BRAF: variants seen among roughly 807,000 people sequenced by gnomAD.
The protein encoded by BRAF is serine/threonine-protein kinase B-raf.
Under a neutral mutation model 104.6 loss-of-function variants are expected in BRAF, and 16 were observed. The observed-to-expected ratio is 0.15, with a 90% confidence interval of 0.10 to 0.23. The LOEUF (loss-of-function observed/expected upper bound fraction) is 0.23, where lower values mean the gene tolerates loss of function less well. BRAF is among the 10% of genes least tolerant of loss of function. BRAF has a pLI of 1.00. For synonymous variants in BRAF, 310 were observed against 341.6 expected (o/e 0.91, Z 1.02); for missense variants, 541 against 937.3 (o/e 0.58, Z 5.52).
chr7:140,906,065 G>T (rs1169915048), intron 1 of BRAF, among the ~76,000 whole-genome samples: 1 of 115,672 alleles, frequency 8.6e-6, no homozygotes, highest in African/African-American at 3.9e-5. Flanking sequence ...TCCAGCCTGG[G>T]CAACAGAGCG....
chr7:140,904,913 T>C (rs1816127638), intron 1 of BRAF, among the ~76,000 whole-genome samples: 1 of 151,112 alleles, frequency 6.6e-6, no homozygotes, highest in Admixed American at 6.6e-5. Context: ...GACCAGATTA[T>C]TTCCAAGTAT....
rs1388346952 is a variant in BRAF, at chr7:140,921,835, A to G, written c.138+2731T>C. Among the ~76,000 whole-genome samples the G allele has an allele frequency of 2.6e-5, 4 of 151,968 alleles. No individual in the cohort carries two copies. The East Asian group carries it at 7.7e-4, about 29-fold the overall frequency. On this transcript the variant is annotated intron_variant, in intron 1 of 19. Transcript: ENST00000644969. The stretch of plus-strand genomic sequence containing the variant: ...AAAACCTACATTTTACTGTTAGGTA[A>G]AATAAATCTTCAGAATAAAATGTGT...
intron 1 of BRAF, among the ~76,000 whole-genome samples, chr7:140,858,321 A>T (rs1338997546): frequency 1.3e-5 from 2 of 152,228 alleles, no homozygotes; most frequent in African/African-American, 4.8e-5. Flanking sequence ...CTTCATACTT[A>T]ACTTCTGGTT....
intron 14 of BRAF, among the ~76,000 whole-genome samples, chr7:140,769,889 T>C (rs1341119807): frequency 3.4e-4 from 52 of 152,162 alleles, no homozygotes; most frequent in Non-Finnish European, 7.4e-5. Flanking sequence ...TTTTCACTAT[T>C]ATATTGTTTC....
At chr7:140,813,342 T>G (rs1344074237) in intron 3 of BRAF, among the ~76,000 whole-genome samples, 2 of 152,170 alleles carry the variant, frequency 1.3e-5, no homozygotes, top group Non-Finnish European at 2.9e-5. Context: ...GTGAAGTTAT[T>G]TTTCATTTAT....
chr7:140,924,757 G>A lies in BRAF; in HGVS notation c.-54C>T, dbSNP rs1417944701. 1.5e-5 allele frequency: 10 copies of A among 677,356 alleles called. No homozygotes were observed. Among genetic ancestry groups the A allele is most frequent in the Non-Finnish European group, 2.3e-5 (9 of 395,328 alleles). 42.0% of individuals were successfully genotyped at this position (677,356 alleles called of 1,614,324 possible). A position where few individuals can be genotyped will look rare whatever the true frequency, so the allele number is the denominator to read the frequency against. On this transcript the variant is annotated 5_prime_UTR_variant, in exon 1 of 20. Coordinates refer to ENST00000644969, the MANE Select transcript of BRAF (RefSeq NM_001374258.1). This position sits in a 1 kb window ranked among gnomAD's most constrained non-coding sequence, Gnocchi z 4.2. The stretch of plus-strand genomic sequence containing the variant: ...GCCGCTGTCGGGCGGGGAGGGGGAA[G>A]GGAGGCGGAGAGCTGGGGGAGGCGG...
chr7:140,765,382 G>A (rs1799203430), intron 14 of BRAF, among the ~76,000 whole-genome samples: 1 of 151,952 alleles, frequency 6.6e-6, no homozygotes, highest in African/African-American at 2.4e-5. Flanking sequence ...TCAGGACATA[G>A]GCATGGGCAA....
chr7:140,714,715 A>G (rs1283041857), downstream of BRAF, among the ~76,000 whole-genome samples: 1 of 152,160 alleles, frequency 6.6e-6, no homozygotes, highest in Non-Finnish European at 1.5e-5. Flanking sequence ...ATCTGGTACT[A>G]AAGAAGATAA....
chr7:140,849,730 T>C (rs1808950782), intron 2 of BRAF, among the ~76,000 whole-genome samples: 1 of 152,014 alleles, frequency 6.6e-6, no homozygotes, highest in South Asian at 2.1e-4. Flanking sequence ...GACAATCGTC[T>C]GAAGCTGGGA....
intron 16 of BRAF, among the ~76,000 whole-genome samples, chr7:140,752,366 C>T (rs1222005627): frequency 6.6e-6 from 1 of 152,136 alleles, no homozygotes; most frequent in Non-Finnish European, 1.5e-5. Flanking sequence ...TAACAGCAGC[C>T]AGCTGGATTC....
At chr7:140,746,202 T>C (rs1406664040) in intron 17 of BRAF, among the ~76,000 whole-genome samples, 1 of 152,222 alleles carries the variant, frequency 6.6e-6, no homozygotes, top group Non-Finnish European at 1.5e-5. Flanking sequence ...ATATATGCTA[T>C]CTATTCTTCA....
chr7:140,878,002 T>C (rs1478972447), intron 1 of BRAF, among the ~76,000 whole-genome samples: 1 of 152,104 alleles, frequency 6.6e-6, no homozygotes, highest in Non-Finnish European at 1.5e-5. Context: ...AAGGAGTAAG[T>C]AATTTCCAAC....
intron 1 of BRAF, among the ~76,000 whole-genome samples, chr7:140,891,778 T>C (rs1814249906): frequency 6.6e-6 from 1 of 150,876 alleles, no homozygotes; most frequent in South Asian, 2.1e-4. Flanking sequence ...TTGGGTGGTA[T>C]GGAGAAAATG....
chr7:140,752,391 G>A (rs1797862590), intron 16 of BRAF, among the ~76,000 whole-genome samples: 1 of 152,094 alleles, frequency 6.6e-6, no homozygotes, highest in Admixed American at 6.6e-5. Flanking sequence ...ATTTGCTTTT[G>A]CACTCAGTCT....
intron 14 of BRAF, 41 bp from the exon 14 acceptor site, chr7:140,754,274 G>C (rs1798023424): frequency 6.3e-7 from 1 of 1,581,188 alleles, no homozygotes; most frequent in Non-Finnish European, 8.7e-7. Flanking sequence ...TAGGGCTAAA[G>C]GACTCTGGCC....
chr7:140,801,285 A>G lies in BRAF; in HGVS notation c.860+127T>C, dbSNP rs549930764. On this transcript the variant is annotated intron_variant, in intron 6 of 19. Transcript: ENST00000644969. ...ACATATTATTCTCTAACTACACTTAAAAAAAATTCTCTATAACAATCGTAT... is the reference window on the plus strand; with the variant it reads ...ACATATTATTCTCTAACTACACTTAGAAAAAATTCTCTATAACAATCGTAT... 4 of 1,092,008 alleles carry G rather than the reference A, an allele frequency of 3.7e-6. No individual in the cohort carries two copies. The South Asian group carries it at 6.0e-5, about 16-fold the overall frequency. 67.6% of individuals were successfully genotyped at this position (1,092,008 alleles called of 1,614,324 possible).
chr7:140,888,830 C>A (rs1279089661), intron 1 of BRAF, among the ~76,000 whole-genome samples: 1 of 147,324 alleles, frequency 6.8e-6, no homozygotes. Flanking sequence ...AGCAAAACTC[C>A]GTCTTAAAAA....
At chr7:140,865,544 A>C (rs1393063615) in intron 1 of BRAF, among the ~76,000 whole-genome samples, 1 of 152,162 alleles carries the variant, frequency 6.6e-6, no homozygotes, top group African/African-American at 2.4e-5. Context: ...AAAGAGAGAA[A>C]AATTAGAGAG....
At position 140,861,803 on chromosome 7, in the gene BRAF, A is replaced by C. The variant is rs150209901; in HGVS notation, c.139-11591T>G. Among the ~76,000 whole-genome samples, 126 of 152,294 alleles carry C rather than the reference A, an allele frequency of 8.3e-4. 1 individual carries two copies. The highest frequency in any genetic ancestry group is 2.5e-3 in the African/African-American group (106 of 41,572). ...TTCAACAAAACTGAGTAATAGGTAC[A>C]TAGTTATTATATTATTCCCTACACT... On this transcript the variant is annotated intron_variant, in intron 1 of 19. Transcript: ENST00000644969.
Sources: allele counts gnomAD v4.1 joint callset (sites outside exome capture counted in the v4.1 genomes callset), GRCh38; gene constraint gnomAD v4.1.1; non-coding constraint Gnocchi (gnomAD v3.1); transcripts MANE v1.5; gene names NCBI Gene and HGNC (gene_info 2026-07-23, HGNC 2026-07-21).